The following BICD1 variants were observed in gnomAD, a reference collection of about 807,000 sequenced individuals.
BICD1 encodes the protein protein bicaudal D homolog 1.
A neutral mutation model predicts 92.5 loss-of-function variants in BICD1; 35 were observed. That is an observed-to-expected ratio of 0.38 (90% CI 0.29 to 0.50). The LOEUF (loss-of-function observed/expected upper bound fraction) is 0.50, where lower values mean the gene tolerates loss of function less well. Among genes scored for constraint, BICD1 ranks in the 20% least tolerant of loss-of-function variants. The probability of loss-of-function intolerance (pLI) is 0.93; values close to 1 mark genes in which losing one functional copy is unlikely to be tolerated. For synonymous variants in BICD1, 429 were observed against 465.1 expected, an observed-to-expected ratio of 0.92 and a Z score of 1.00; for missense variants, 950 against 1,189.8, an observed-to-expected ratio of 0.80 and a Z score of 2.97.
intron 2 of BICD1, among the ~76,000 whole-genome samples, chr12:32,257,338 A>C (rs1424065269): frequency 6.6e-6 from 1 of 152,182 alleles, no homozygotes; most frequent in East Asian, 1.9e-4. Context: ...AAGCATATAC[A>C]TATAAAATTA....
chr12:32,110,994 A>C (rs1565520518), intron 1 of BICD1, among the ~76,000 whole-genome samples: 1 of 152,196 alleles, frequency 6.6e-6, no homozygotes, highest in Non-Finnish European at 1.5e-5. Flanking sequence ...TAATAATAAA[A>C]AAAAAGAGTT....
At chr12:32,192,742 C>A (rs1470814438) in intron 1 of BICD1, among the ~76,000 whole-genome samples, 1 of 152,186 alleles carries the variant, frequency 6.6e-6, no homozygotes, top group Non-Finnish European at 1.5e-5. Context: ...GGGGCCGCAG[C>A]AAGTCATCCA....
chr12:32,305,027 A>AACC (rs1555165965), intron 3 of BICD1, among the ~76,000 whole-genome samples: 2,382 of 152,070 alleles, frequency 0.016, 60 homozygotes, highest in African/African-American at 0.055. Context: ...CTCTCAAAAC[A>AACC]AACCAACCAA....
intron 1 of BICD1, among the ~76,000 whole-genome samples, chr12:32,193,212 A>G (rs906996778): frequency 6.6e-6 from 1 of 152,184 alleles, no homozygotes; most frequent in Non-Finnish European, 1.5e-5. Context: ...AGCCACCCCA[A>G]CCTTCAACAA....
rs28840747 is a variant in BICD1 at position 32,315,740 on chromosome 12, G to A, written c.1005+9618G>A. On this transcript the variant is annotated intron_variant, in intron 4 of 9. Coordinates refer to ENST00000652176, the MANE Select transcript of BICD1 (RefSeq NM_001714.4). The stretch of plus-strand genomic sequence containing the variant: ...AATGGTGTTAAAGCAATACCATTTA[G>A]TGGAAACCATACTTTGAGTACCTAT... 2.2e-3 allele frequency among the ~76,000 whole-genome samples: 332 copies of A among 152,224 alleles called. 1 individual carries two copies. The highest frequency in any genetic ancestry group is 7.5e-3 in the African/African-American group (313 of 41,532).
At chr12:32,197,850 A>G (rs1944768955) in intron 1 of BICD1, among the ~76,000 whole-genome samples, 1 of 152,210 alleles carries the variant, frequency 6.6e-6, no homozygotes, top group East Asian at 1.9e-4. Context: ...CTTCACCTTT[A>G]TCAACAAGCT....
chr12:32,202,798 A>G (rs1015639890), intron 1 of BICD1, among the ~76,000 whole-genome samples: 1 of 152,038 alleles, frequency 6.6e-6, no homozygotes, highest in Non-Finnish European at 1.5e-5. Flanking sequence ...TTTTGTAGAG[A>G]TGGGGTCTCG....
chr12:32,335,900 G>A (rs186556388), intron 6 of BICD1, among the ~76,000 whole-genome samples: 1 of 152,168 alleles, frequency 6.6e-6, no homozygotes, highest in African/African-American at 2.4e-5. Flanking sequence ...TACCAATTGT[G>A]TATCTTGTAT....
intron 1 of BICD1, among the ~76,000 whole-genome samples, chr12:32,126,010 C>T (rs1942317903): frequency 6.9e-6 from 1 of 145,826 alleles, no homozygotes; most frequent in African/African-American, 2.6e-5. Context: ...GATTGTGTCA[C>T]TGCACTCCAG....
intron 1 of BICD1, among the ~76,000 whole-genome samples, chr12:32,138,143 C>A (rs1458971616): frequency 6.6e-6 from 1 of 152,166 alleles, no homozygotes; most frequent in African/African-American, 2.4e-5. Context: ...TCATTGCCTA[C>A]CACATACTGG....
rs201636879 is a variant in BICD1 at position 32,328,420 on chromosome 12, G to A, written c.1965G>A (p.Ala655=). 2.5e-5 allele frequency: 40 copies of A among 1,614,064 alleles called. No homozygotes were observed. Among genetic ancestry groups the A allele is most frequent in the Middle Eastern group, 3.3e-4 (2 of 6,084 alleles). Residue 655 remains alanine (A), a synonymous_variant, in exon 5 of 10, where the codon GCG becomes GCA. Coordinates refer to ENST00000652176, the MANE Select transcript of BICD1 (RefSeq NM_001714.4). The surrounding 1 kb of genome is among the most constrained non-coding windows in gnomAD (Gnocchi z 4.4). ...RSLQLSRQRA[A]ARELAPMIDK... is the part of the protein sequence containing the mutation. The stretch of plus-strand genomic sequence containing the variant: ...TGCAACTGTCTCGTCAAAGAGCAGC[G>A]GCTCGGGAGCTAGCCCCCATGATTG...
chr12:32,252,135 T>TA (rs1490091347), intron 2 of BICD1, among the ~76,000 whole-genome samples: 7 of 62,554 alleles, frequency 1.1e-4, no homozygotes, highest in Non-Finnish European at 1.5e-4. Flanking sequence ...ATAATAAATA[T>TA]TATATATTAT....
chr12:32,118,757 G>A (rs1565527593), intron 1 of BICD1, among the ~76,000 whole-genome samples: 1 of 152,158 alleles, frequency 6.6e-6, no homozygotes, highest in Non-Finnish European at 1.5e-5. Flanking sequence ...CTGTATTTAC[G>A]TTATCTACCA....
In BICD1 at chr12:32,339,903, G is replaced by T. The variant is rs370756084; in HGVS notation, c.2764+924G>T. The T allele has an allele frequency of 1.3e-5, 12 of 908,300 alleles. No individual in the cohort carries two copies. The African/African-American group carries it at 2.2e-4, about 16-fold the overall frequency. The allele number at this position is 908,300 out of a possible 1,614,324, so 56.3% of individuals were successfully genotyped here. A position where few individuals can be genotyped will look rare whatever the true frequency, so the allele number is the denominator to read the frequency against. On this transcript the variant is annotated intron_variant, in intron 8 of 9. Coordinates refer to ENST00000652176, the MANE Select transcript of BICD1 (RefSeq NM_001714.4). The stretch of plus-strand genomic sequence containing the variant: ...TTTGGAAGATTCTGAATATCTGGCA[G>T]CCCTAGGTCTGCGTTCACGCATGTC...
At chr12:32,220,792 C>G (rs1253977655) in intron 2 of BICD1, among the ~76,000 whole-genome samples, 2 of 134,596 alleles carry the variant, frequency 1.5e-5, no homozygotes, top group East Asian at 4.5e-4. Flanking sequence ...GACACATGCA[C>G]ACGTATGTTT....
chr12:32,338,416 A>C (rs1938220795), intron 7 of BICD1: 2 of 183,684 alleles, frequency 1.1e-5, no homozygotes, highest in South Asian at 2.9e-4. Flanking sequence ...TTGCCCAGAG[A>C]AACCACTTGT....
At chr12:32,210,770 C>T (rs1299817179) in intron 1 of BICD1, among the ~76,000 whole-genome samples, 3 of 152,168 alleles carry the variant, frequency 2.0e-5, no homozygotes, top group Non-Finnish European at 2.9e-5. Context: ...AAAGAATTTG[C>T]AATCTGAACA....
At chr12:32,281,814 C>T (rs904835142) in intron 2 of BICD1, among the ~76,000 whole-genome samples, 1 of 151,996 alleles carries the variant, frequency 6.6e-6, no homozygotes, top group Non-Finnish European at 1.5e-5. Context: ...CAGGTCACCA[C>T]CAATCCAATC....
intron 1 of BICD1, among the ~76,000 whole-genome samples, chr12:32,166,426 G>A (rs114220115): frequency 0.012 from 1,870 of 152,154 alleles, 45 homozygotes; most frequent in African/African-American, 0.041. Flanking sequence ...GTGGGCCACC[G>A]CGCCAGGCTA....
Sources: gnomAD v4.1 joint callset for allele counts (sites outside exome capture counted in the v4.1 genomes callset) on GRCh38, gnomAD v4.1.1 for gene constraint, Gnocchi (gnomAD v3.1) non-coding constraint, MANE v1.5 for transcripts, NCBI Gene and HGNC (gene_info 2026-07-23, HGNC 2026-07-21) for gene names.